FHIT: variants seen among roughly 807,000 people sequenced by gnomAD.
FHIT encodes fragile histidine triad diadenosine triphosphatase.
FHIT carries 19 observed loss-of-function variants against 17.9 expected under a neutral mutation model. The observed-to-expected ratio is 1.06, with a 90% CI of 0.74 to 1.56. FHIT has a LOEUF of 1.56. Among genes scored for constraint, FHIT ranks in the 40% most tolerant of loss-of-function variants. FHIT has a pLI of 0.00. For synonymous variants in FHIT, 81 were observed against 69.7 expected (o/e 1.16, Z -0.81); for missense variants, 248 against 189.2 (o/e 1.31, Z -1.82).
intron 2 of FHIT, among the ~76,000 whole-genome samples, chr3:61,051,555 G>A (rs2034028729): frequency 6.6e-6 from 1 of 151,948 alleles, no homozygotes; most frequent in Admixed American, 6.6e-5. Flanking sequence ...GGCTTCTTGG[G>A]TTATTTTGAC....
At chr3:61,211,268 G>A (rs1348365981) in intron 1 of FHIT, among the ~76,000 whole-genome samples, 1 of 151,766 alleles carries the variant, frequency 6.6e-6, no homozygotes, top group Non-Finnish European at 1.5e-5. Flanking sequence ...AGGGGTGACA[G>A]ACGGCACCTG....
intron 5 of FHIT, among the ~76,000 whole-genome samples, chr3:60,177,432 T>C (rs1701730613): frequency 6.6e-6 from 1 of 152,130 alleles, no homozygotes; most frequent in African/African-American, 2.4e-5. Context: ...ATGATCAGTT[T>C]CTCCCTAACA....
intron 4 of FHIT, among the ~76,000 whole-genome samples, chr3:60,785,896 G>C (rs6805291): frequency 0.12 from 10,526 of 85,794 alleles, 551 homozygotes; most frequent in African/African-American, 0.19. Flanking sequence ...ACAAACAGAA[G>C]ACACACACAC....
chr3:60,011,431 G>A, intron 6 of FHIT, 31 bp from the exon 7 acceptor site: 1 of 1,589,188 alleles, frequency 6.3e-7, no homozygotes, highest in Non-Finnish European at 8.6e-7. Flanking sequence ...ACAGAGGTGA[G>A]AATAGATAGA....
At position 60,198,806 on chromosome 3, in the gene FHIT, G is replaced by A. The variant is rs140526903; in HGVS notation, c.104-184654C>T. On this transcript the variant is annotated intron_variant, in intron 5 of 9. Transcript: ENST00000492590. ...CATATTTGAATGGAATAATTCCAGA[G>A]AATCACTGAAAAATGCATTTGCACC... Among the ~76,000 whole-genome samples the A allele has an allele frequency of 3.9e-3, 588 of 152,226 alleles. 11 individuals are homozygous for A. The highest frequency in any genetic ancestry group is 0.032 in the Admixed American group (492 of 15,276).
intron 5 of FHIT, chr3:60,535,894 C>A (rs1297144395): frequency 6.6e-6 from 1 of 150,640 alleles, no homozygotes; most frequent in African/African-American, 2.4e-5. Context: ...CACATTTTCA[C>A]TGGAAAAAAA....
intron 3 of FHIT, among the ~76,000 whole-genome samples, chr3:60,888,104 C>T (rs1705320258): frequency 1.3e-5 from 2 of 152,296 alleles, no homozygotes; most frequent in South Asian, 4.1e-4. Flanking sequence ...TATGAGCTTT[C>T]TAACACTCCA....
intron 5 of FHIT, among the ~76,000 whole-genome samples, chr3:60,357,372 T>G (rs1397656225): frequency 6.6e-6 from 1 of 151,904 alleles, no homozygotes; most frequent in Non-Finnish European, 1.5e-5. Flanking sequence ...CATTCTTGAG[T>G]AGCTGGGATT....
chr3:60,169,726 A>T (rs951465990), intron 5 of FHIT, among the ~76,000 whole-genome samples: 2 of 152,202 alleles, frequency 1.3e-5, no homozygotes, highest in African/African-American at 4.8e-5. Flanking sequence ...TGGAGAAGAG[A>T]AACCAGGTTC....
intron 7 of FHIT, among the ~76,000 whole-genome samples, chr3:59,928,488 C>A (rs925381947): frequency 2.0e-5 from 3 of 152,102 alleles, no homozygotes; most frequent in African/African-American, 7.2e-5. Flanking sequence ...TTGCAAATCA[C>A]CTATCTGATA....
intron 3 of FHIT, among the ~76,000 whole-genome samples, chr3:61,009,903 T>G (rs1342407596): frequency 6.6e-6 from 1 of 152,186 alleles, no homozygotes; most frequent in East Asian, 1.9e-4. Flanking sequence ...CGAAAAGAGC[T>G]TGAAGGTTTC....
chr3:60,310,427 G>A (rs1708887455), intron 5 of FHIT, among the ~76,000 whole-genome samples: 1 of 152,158 alleles, frequency 6.6e-6, no homozygotes, highest in Non-Finnish European at 1.5e-5. Flanking sequence ...CTAAGGCCAA[G>A]TGAGAAAGAC....
In FHIT at chr3:60,232,179, T is replaced by C. The variant is rs369858105; in HGVS notation, c.104-218027A>G. ...CACTGTCCCTGTAAGAACACTCTCATTTTTCAAGTCCTGCATCATATTTCA... is the reference window on the plus strand; with the variant it reads ...CACTGTCCCTGTAAGAACACTCTCACTTTTCAAGTCCTGCATCATATTTCA... On this transcript the variant is annotated intron_variant, in intron 5 of 9. Coordinates refer to ENST00000492590, the MANE Select transcript of FHIT (RefSeq NM_002012.4). Among the ~76,000 whole-genome samples, 16 of 152,292 alleles carry C rather than the reference T, an allele frequency of 1.1e-4. No individual in the cohort carries two copies. The East Asian group carries it at 2.9e-3, about 28-fold the overall frequency.
chr3:61,071,903 T>C (rs1344703437), intron 2 of FHIT, among the ~76,000 whole-genome samples: 3 of 152,186 alleles, frequency 2.0e-5, no homozygotes, highest in Admixed American at 2.0e-4. Flanking sequence ...TCAATGCAAA[T>C]GTTGTTTTTA....
chr3:60,200,263 A>G (rs560800729), intron 5 of FHIT, among the ~76,000 whole-genome samples: 35 of 152,164 alleles, frequency 2.3e-4, no homozygotes, highest in African/African-American at 7.9e-4. Context: ...GGGATAATCA[A>G]TTTCCCTTCT....
At chr3:60,818,537 G>A (rs1040813430) in intron 4 of FHIT, among the ~76,000 whole-genome samples, 15 of 152,100 alleles carry the variant, frequency 9.9e-5, no homozygotes, top group African/African-American at 3.1e-4. Context: ...ATTACATGAC[G>A]TGATCTCACT....
chr3:60,567,248 G>T (rs984239964), intron 4 of FHIT, among the ~76,000 whole-genome samples: 9 of 151,986 alleles, frequency 5.9e-5, no homozygotes, highest in Admixed American at 5.9e-4. Flanking sequence ...CATGGTACTG[G>T]TACCAAAACA....
chr3:60,126,522 C>G (rs1174373374), intron 5 of FHIT, among the ~76,000 whole-genome samples: 1 of 152,186 alleles, frequency 6.6e-6, no homozygotes, highest in Non-Finnish European at 1.5e-5. Context: ...ATATCCCATA[C>G]AAGCTCTATA....
At chr3:60,645,492 T>C (rs2039833597) in intron 4 of FHIT, among the ~76,000 whole-genome samples, 1 of 152,174 alleles carries the variant, frequency 6.6e-6, no homozygotes, top group South Asian at 2.1e-4. Context: ...TACAAGATAG[T>C]ACACTCTACT....
Sources: allele counts gnomAD v4.1 joint callset (sites outside exome capture counted in the v4.1 genomes callset), GRCh38; gene constraint gnomAD v4.1.1; transcripts MANE v1.5; gene names NCBI Gene and HGNC (gene_info 2026-07-23, HGNC 2026-07-21).